The following UGT1A9 variants were observed in gnomAD, a reference collection of about 807,000 sequenced individuals.
The protein encoded by UGT1A9 is UDP glucuronosyltransferase family 1 member A9.
In UGT1A9, 35 loss-of-function variants were observed where a neutral mutation model predicts 45.0. That is an observed-to-expected ratio of 0.78 (90% CI 0.59 to 1.03). The LOEUF is 1.03. Ranked by LOEUF, UGT1A9 falls within the 50% of genes least tolerant of loss-of-function variation. UGT1A9 has a pLI of 0.00. For synonymous variants in UGT1A9, 278 were observed against 250.6 expected, an observed-to-expected ratio of 1.11 and a Z score of -1.03; for missense variants, 687 against 666.6, an observed-to-expected ratio of 1.03 and a Z score of -0.34.
chr2:233,729,788 C>G, intron 1 of UGT1A9: 1 of 1,613,954 alleles, frequency 6.2e-7, no homozygotes, highest in Non-Finnish European at 8.5e-7. Flanking sequence ...CTGGCCCTGT[C>G]CTACATTTGC....
intron 4 of UGT1A9, 92 bp downstream of exon 4, chr2:233,768,531 G>T: frequency 5.4e-6 from 8 of 1,481,574 alleles, no homozygotes; most frequent in South Asian, 4.1e-5. Context: ...ATTTAATAGC[G>T]TTGTTTCAAA....
At chr2:233,719,615 C>T in intron 1 of UGT1A9, 1 of 1,614,016 alleles carries the variant, frequency 6.2e-7, no homozygotes, top group Non-Finnish European at 8.5e-7. Flanking sequence ...TGATGGACTA[C>T]CCCAGGCCGA....
chr2:233,682,317 T>C (rs770134908), intron 1 of UGT1A9: 3 of 1,614,198 alleles, frequency 1.9e-6, no homozygotes, highest in Non-Finnish European at 2.5e-6. Flanking sequence ...TGCAGGAGTT[T>C]GTTTAATGAC....
chr2:233,729,996 C>A (rs766095782), intron 1 of UGT1A9: 2 of 1,613,996 alleles, frequency 1.2e-6, no homozygotes, highest in Non-Finnish European at 1.7e-6. Flanking sequence ...TATCTCAGGT[C>A]TGTATTGGTG....
intron 1 of UGT1A9, among the ~76,000 whole-genome samples, chr2:233,683,455 T>C (rs1380614720): frequency 6.6e-6 from 1 of 152,140 alleles, no homozygotes; most frequent in African/African-American, 2.4e-5. Flanking sequence ...GTATACTTTC[T>C]TTACATTATA....
At position 233,725,179 on chromosome 2, in the gene UGT1A9, G is replaced by GAGAGGCAGAGGC. The variant is rs879478240; in HGVS notation, c.856-41825_856-41814dup. Among the ~76,000 whole-genome samples the GAGAGGCAGAGGC allele has an allele frequency of 1.3e-4, 9 of 67,606 alleles. 4 individuals carry two copies. Among genetic ancestry groups the GAGAGGCAGAGGC allele is most frequent in the South Asian group, 1.1e-3 (2 of 1,884 alleles). The allele number at this position is 67,606 out of a possible 152,430, so 44.4% of individuals were successfully genotyped here. A position where few individuals can be genotyped will look rare whatever the true frequency, so the allele number is the denominator to read the frequency against. ...CTCTGCATGAGAGGGAGACCGTGGGGAGAGGCAGAGGCAGAGGCAGAGGCA... is the reference window on the plus strand; with the variant it reads ...CTCTGCATGAGAGGGAGACCGTGGGGAGAGGCAGAGGCAGAGGCAGAGGCAGAGGCAGAGGCA... On this transcript the variant is annotated intron_variant, in intron 1 of 4. Transcript: ENST00000354728.
chr2:233,682,186 G>A, intron 1 of UGT1A9: 1 of 1,614,196 alleles, frequency 6.2e-7, no homozygotes, highest in Non-Finnish European at 8.5e-7. Flanking sequence ...CATACACTCT[G>A]GAGGATCAGG....
chr2:233,737,268 C>T (rs1008079233), intron 1 of UGT1A9, among the ~76,000 whole-genome samples: 4 of 152,268 alleles, frequency 2.6e-5, no homozygotes, highest in African/African-American at 9.6e-5. Context: ...CAATGGCGGA[C>T]ACCCCTCACC....
chr2:233,744,646 T>C (rs28899468), intron 1 of UGT1A9, among the ~76,000 whole-genome samples: 5,545 of 151,990 alleles, frequency 0.036, 178 homozygotes, highest in African/African-American at 0.053. Context: ...TCAGCTTCTG[T>C]ATTCAATCTA....
intron 1 of UGT1A9, chr2:233,729,814 C>A (rs776482922): frequency 5.0e-6 from 8 of 1,613,896 alleles, no homozygotes; most frequent in Non-Finnish European, 6.8e-6. Flanking sequence ...TTTTTCTGCT[C>A]CTTATGCAAG....
At chr2:233,760,944 G>C (rs1697622087) in intron 1 of UGT1A9, 18 of 1,614,082 alleles carry the variant, frequency 1.1e-5, no homozygotes, top group Non-Finnish European at 1.5e-5. Flanking sequence ...CCTTTTCACA[G>C]AACTTTCTGT....
intron 1 of UGT1A9, among the ~76,000 whole-genome samples, chr2:233,694,304 G>GTT (rs35761222): frequency 6.9e-5 from 10 of 145,480 alleles, no homozygotes; most frequent in East Asian, 2.0e-4. Flanking sequence ...CCTGTTTTTT[G>GTT]TTTTTTTTTT....
At position 233,772,370 on chromosome 2, in the gene UGT1A9, G is replaced by A. The variant is rs587784537; in HGVS notation, c.1404G>A (p.Ala468=). The A allele has an allele frequency of 2.5e-6, 4 of 1,614,248 alleles. No homozygotes were observed. The highest frequency in any genetic ancestry group is 1.6e-4 in the Middle Eastern group (1 of 6,062). ...WVEFVMRHKG[A]PHLRPAAHDL... The stretch of plus-strand genomic sequence containing the variant: ...AGTTTGTGATGAGGCACAAGGGCGC[G>A]CCACACCTGCGCCCCGCAGCCCACG... Residue 468 remains alanine, a synonymous_variant, in exon 5 of 5, where the codon GCG becomes GCA. Transcript: ENST00000354728.
intron 1 of UGT1A9, chr2:233,691,073 G>A (rs1251480486): frequency 1.0e-6 from 1 of 986,174 alleles, no homozygotes; most frequent in East Asian, 1.1e-4. Flanking sequence ...TAAAGAATGT[G>A]AAGTTTGTAG....
chr2:233,717,499 G>T (rs570547635), intron 1 of UGT1A9, among the ~76,000 whole-genome samples: 12 of 152,304 alleles, frequency 7.9e-5, no homozygotes, highest in Non-Finnish European at 1.5e-4. Context: ...TATCAATGTG[G>T]ATTTCTAATG....
intron 1 of UGT1A9, chr2:233,753,657 TTGTG>T (rs1007260491): frequency 1.3e-5 from 2 of 152,228 alleles, no homozygotes; most frequent in African/African-American, 4.8e-5. Context: ...ACTTTCTCAA[TTGTG>T]TGTATGGTGC....
intron 1 of UGT1A9, among the ~76,000 whole-genome samples, chr2:233,709,910 C>T (rs1575491918): frequency 6.6e-6 from 1 of 152,188 alleles, no homozygotes; most frequent in Non-Finnish European, 1.5e-5. Context: ...TCACCTAATA[C>T]CTCCCCTCAC....
rs191789950 is a variant in UGT1A9 at position 233,713,517 on chromosome 2, A to T, written c.855+40728A>T. 5 of 1,613,958 alleles carry T rather than the reference A, an allele frequency of 3.1e-6. No homozygotes were observed. In the East Asian group the frequency reaches 1.1e-4, roughly 36 times the overall value. On this transcript the variant is annotated intron_variant, in intron 1 of 4. Transcript: ENST00000354728. ...TCCTGCTGTGTTTTTCTTGAGGAAC[A>T]TTCCATGTGATTTAGACTTTAAGGG... is the stretch of plus-strand genomic sequence containing the variant.
At chr2:233,682,567 C>T in intron 1 of UGT1A9, 1 of 1,613,972 alleles carries the variant, frequency 6.2e-7, no homozygotes, top group Middle Eastern at 1.7e-4. Context: ...TATGGAACCA[C>T]ATCATGCACT....
Sources: allele counts gnomAD v4.1 joint callset (sites outside exome capture counted in the v4.1 genomes callset), GRCh38; gene constraint gnomAD v4.1.1; transcripts MANE v1.5; gene names NCBI Gene and HGNC (gene_info 2026-07-23, HGNC 2026-07-21).